The following SRRM1 variants were observed in gnomAD, a reference collection of about 807,000 sequenced individuals.
SRRM1 encodes the protein serine/arginine repetitive matrix protein 1.
In SRRM1, 19 loss-of-function variants were observed where a neutral mutation model predicts 110.2. That is an observed-to-expected ratio of 0.17 (90% CI 0.12 to 0.25). The LOEUF (loss-of-function observed/expected upper bound fraction) is 0.25. SRRM1 is among the 10% of genes least tolerant of loss of function. The pLI, the probability that SRRM1 is intolerant of heterozygous loss-of-function variation, is 1.00. For synonymous variants in SRRM1, 443 were observed against 414.9 expected (o/e 1.07, Z -0.82); for missense variants, 918 against 1,145.8 (o/e 0.80, Z 2.87).
In SRRM1 at chr1:24,670,184, C is replaced by G; in HGVS notation, c.2269C>G (p.Pro757Ala). The change falls in exon 15 of 17, where the codon CCT becomes GCT. Residue 757 changes from proline to alanine, a missense_variant. By Grantham distance (27) the Pro-to-Ala change is conservative. Transcript: ENST00000323848. ...VSSSRSVSGS[P>A]EPAAKKPPAP... ...ATCCTCCCGATCTGTCTCCGGGTCTCCTGAGCCAGCAGCTAAAAAGCCCCC... is the reference window on the plus strand; with the variant it reads ...ATCCTCCCGATCTGTCTCCGGGTCTGCTGAGCCAGCAGCTAAAAAGCCCCC... The G allele has an allele frequency of 6.2e-7, 1 of 1,614,046 alleles. No individual in the cohort carries two copies. The highest frequency in any genetic ancestry group is 1.1e-5 in the South Asian group (1 of 91,078).
At position 24,660,811 on chromosome 1, in the gene SRRM1, GT is replaced by G. The variant is rs58604320; in HGVS notation, c.1396+21del. Reference sequence around the variant, plus strand: ...GTTATCTGAATCGGGTAAGTTTGTTGTTTTTTTTTGTGATTTTGGTTTGTTT... The same window carrying G: ...GTTATCTGAATCGGGTAAGTTTGTTGTTTTTTTTGTGATTTTGGTTTGTTT... On this transcript the variant is annotated intron_variant, in intron 10 of 16. Transcript: ENST00000323848. 2.5e-4 allele frequency: 385 copies of G among 1,513,960 alleles called. No homozygotes were observed. The African/African-American group carries it at 2.6e-3, about 10-fold the overall frequency. The allele number at this position is 1,513,960 out of a possible 1,614,324, so 93.8% of individuals were successfully genotyped here. A position where few individuals can be genotyped will look rare whatever the true frequency, so the allele number is the denominator to read the frequency against.
chr1:24,660,080 G>A (rs975841679), intron 9 of SRRM1, among the ~76,000 whole-genome samples: 1 of 152,176 alleles, frequency 6.6e-6, no homozygotes, highest in Non-Finnish European at 1.5e-5. Context: ...AAAGTTTCAT[G>A]AGATCTTATT....
At chr1:24,662,622 A>G in intron 11 of SRRM1, 38 bp from the exon 12 acceptor site, 2 of 1,601,572 alleles carry the variant, frequency 1.2e-6, no homozygotes, top group South Asian at 2.2e-5. Flanking sequence ...ATTCAAGCAC[A>G]AACCTAATGT....
chr1:24,646,906 G>T, intron 3 of SRRM1, 117 bp downstream of exon 3: 1 of 849,058 alleles, frequency 1.2e-6, no homozygotes, highest in Non-Finnish European at 1.7e-6. Flanking sequence ...AATGTTTGTT[G>T]TGAAAAGAAT....
chr1:24,648,878 T>C lies in SRRM1; in HGVS notation c.254T>C (p.Met85Thr). ...LEVKNPDSKM[M>T]QINLTGFLNG... ...TTGCAGAATCCAGACTCCAAAATGATGCAAATCAACCTGACTGGATTTTTG... is the reference window on the plus strand; with the variant it reads ...TTGCAGAATCCAGACTCCAAAATGACGCAAATCAACCTGACTGGATTTTTG... The change falls in exon 4 of 17, where the codon ATG becomes ACG. Residue 85 changes from methionine (M) to threonine (T), a missense_variant. Physicochemically the swap from Met to Thr is moderately conservative, Grantham distance 81. Around this residue, in one of 5 missense-constraint regions of SRRM1, gnomAD observed 38 missense variants for 144.5 expected, o/e 0.26. Coordinates refer to ENST00000323848, the MANE Select transcript of SRRM1 (RefSeq NM_005839.4). The C allele has an allele frequency of 6.2e-7, 1 of 1,612,230 alleles. No individual in the cohort carries two copies. The highest frequency in any genetic ancestry group is 8.5e-7 in the Non-Finnish European group (1 of 1,179,772).
chr1:24,651,405 C>G lies in SRRM1; in HGVS notation c.522-4C>G. On this transcript the variant is annotated splice_polypyrimidine_tract_variant and splice_region_variant and intron_variant, in intron 5 of 16. Coordinates refer to ENST00000323848, the MANE Select transcript of SRRM1 (RefSeq NM_005839.4). The stretch of plus-strand genomic sequence containing the variant: ...AAACCTGAAAAAAATTACTTTCATC[C>G]TAGACGCAAATCCAGATCTCCTTCC... 6.2e-7 allele frequency: 1 copy of G among 1,612,024 alleles called. No individual in the cohort carries two copies. Among genetic ancestry groups the G allele is most frequent in the Non-Finnish European group, 8.5e-7 (1 of 1,179,130 alleles).
In SRRM1 at chr1:24,650,140, A is replaced by G. The variant is rs1570720965; in HGVS notation, c.521+54A>G. ...TTTTACAGGTACTTTAGGTCTTAAG[A>G]AACTTCCTTAGTTAAAAAGGAATCT... On this transcript the variant is annotated intron_variant, in intron 5 of 16. Transcript: ENST00000323848. The G allele has an allele frequency of 3.5e-6, 5 of 1,447,446 alleles. No individual in the cohort carries two copies. In the East Asian group the frequency reaches 1.3e-4, roughly 38 times the overall value. The allele number at this position is 1,447,446 out of a possible 1,614,324, so 89.7% of individuals were successfully genotyped here. A position where few individuals can be genotyped will look rare whatever the true frequency, so the allele number is the denominator to read the frequency against.
At chr1:24,650,120 C>A in intron 5 of SRRM1, 34 bp downstream of exon 5, 1 of 1,488,120 alleles carries the variant, frequency 6.7e-7, no homozygotes, top group Non-Finnish European at 8.9e-7. Flanking sequence ...TGATGTTTTA[C>A]AGGTACTTTA....
Position 24,662,668 on chromosome 1 carries a change from T to C in SRRM1, c.1492T>C (p.Ser498Pro), listed in dbSNP as rs41268775. 6.2e-7 allele frequency: 1 copy of C among 1,608,428 alleles called. No individual in the cohort carries two copies. The highest frequency in any genetic ancestry group is 1.1e-5 in the South Asian group (1 of 90,670). ...TAATTTTGTAATTATAGACTCTGGCTCCTCCTCCTCCTCAGAAGATGAACG... is the reference window on the plus strand; with the variant it reads ...TAATTTTGTAATTATAGACTCTGGCCCCTCCTCCTCCTCAGAAGATGAACG... ...QNQQSSSDSG[S>P]SSSSEDERPK... Residue 498 changes from serine to proline, a missense_variant, in exon 12 of 17, where the codon TCC becomes CCC. Ser to Pro is a moderately conservative substitution (Grantham distance 74). Coordinates refer to ENST00000323848, the MANE Select transcript of SRRM1 (RefSeq NM_005839.4).
chr1:24,643,491 C>A (rs928174317), intron 1 of SRRM1, 144 bp downstream of exon 1: 33 of 577,856 alleles, frequency 5.7e-5, no homozygotes, highest in Admixed American at 3.9e-4. Flanking sequence ...CACCCCCCCC[C>A]CCCCCGTGCG....
chr1:24,648,945 C>T lies in SRRM1; in HGVS notation c.321C>T (p.Pro107=), dbSNP rs1437921441. 16 of 1,613,628 alleles carry T rather than the reference C, an allele frequency of 9.9e-6. No individual in the cohort carries two copies. Among genetic ancestry groups the T allele is most frequent in the Middle Eastern group, 1.7e-4 (1 of 5,996 alleles). Residue 107 remains proline, a synonymous_variant, in exon 4 of 17, where the codon CCC becomes CCT. Coordinates refer to ENST00000323848, the MANE Select transcript of SRRM1 (RefSeq NM_005839.4). The stretch of plus-strand genomic sequence containing the variant: ...GAGAATTTATGGGAGAACTGTGGCC[C>T]CTGCTGCTAAGTGCACAAGAAAACA... ...NAREFMGELW[P]LLLSAQENIA... is the part of the protein sequence containing the mutation.
intron 1 of SRRM1, chr1:24,643,562 CG>C: frequency 2.4e-6 from 1 of 422,154 alleles, no homozygotes; most frequent in South Asian, 8.1e-5. Flanking sequence ...CCCCCCTACG[CG>C]GCGGCGACGG....
At chr1:24,653,616 C>G (rs972889815) in intron 8 of SRRM1, among the ~76,000 whole-genome samples, 2 of 151,978 alleles carry the variant, frequency 1.3e-5, no homozygotes, top group African/African-American at 4.8e-5. Flanking sequence ...TTTTCAAAAC[C>G]CCAACTGTAC....
In SRRM1 at chr1:24,652,503, CAAAAAA is replaced by C. The variant is rs2148368773; in HGVS notation, c.796_801del (p.Lys266_Lys267del). The stretch of plus-strand genomic sequence containing the variant: ...AAGAACCTTCTCCGGAAAAAAATTC[CAAAAAA>C]GAAAAGGAGAAGGAGAAGACCCGAC... On this transcript the variant is annotated inframe_deletion, in exon 7 of 17. Transcript: ENST00000323848. 2 of 1,611,022 alleles carry C rather than the reference CAAAAAA, an allele frequency of 1.2e-6. No homozygotes were observed. Among genetic ancestry groups the C allele is most frequent in the South Asian group, 1.1e-5 (1 of 90,724 alleles).
intron 5 of SRRM1, chr1:24,650,420 T>A (rs1659971632): frequency 1.3e-5 from 2 of 159,764 alleles, no homozygotes; most frequent in Non-Finnish European, 2.7e-5. Flanking sequence ...TTCTTTCCAT[T>A]TCCTTTCTTC....
chr1:24,652,143 C>T (rs901759775), intron 6 of SRRM1, among the ~76,000 whole-genome samples: 1 of 147,620 alleles, frequency 6.8e-6, no homozygotes, highest in Non-Finnish European at 1.5e-5. Context: ...TCACTTGAGC[C>T]TGGGAGGTTG....
chr1:24,646,394 GC>G (rs1029002083), intron 2 of SRRM1, among the ~76,000 whole-genome samples: 10 of 152,222 alleles, frequency 6.6e-5, no homozygotes, highest in Admixed American at 5.9e-4. Flanking sequence ...GGGCGTGGTG[GC>G]GGGTGCCTGT....
chr1:24,644,469 G>A (rs1656097242), intron 1 of SRRM1, among the ~76,000 whole-genome samples: 1 of 152,160 alleles, frequency 6.6e-6, no homozygotes, highest in African/African-American at 2.4e-5. Context: ...TGTTTTCAAA[G>A]GAAAAATTGG....
In SRRM1 at chr1:24,645,981, C is replaced by T; in HGVS notation, c.22-3C>T. 3 of 1,612,088 alleles carry T rather than the reference C, an allele frequency of 1.9e-6. No homozygotes were observed. The highest frequency in any genetic ancestry group is 2.5e-6 in the Non-Finnish European group (3 of 1,178,844). On this transcript the variant is annotated splice_polypyrimidine_tract_variant and splice_region_variant and intron_variant, in intron 1 of 16. Coordinates refer to ENST00000323848, the MANE Select transcript of SRRM1 (RefSeq NM_005839.4). Reference sequence around the variant, plus strand: ...TAGTTAAGATGTGGTTCTCTTCCTGCAGGGAACAAGTGCAGAACAGGATAA... The same window carrying T: ...TAGTTAAGATGTGGTTCTCTTCCTGTAGGGAACAAGTGCAGAACAGGATAA...
Sources: gnomAD v4.1 joint callset for allele counts (sites outside exome capture counted in the v4.1 genomes callset) on GRCh38, gnomAD v4.1.1 for gene constraint, gnomAD v4.1.1 regional missense constraint, MANE v1.5 for transcripts, NCBI Gene and HGNC (gene_info 2026-07-23, HGNC 2026-07-21) for gene names.